Variants in MTAP observed in about 807,000 individuals in gnomAD.
MTAP encodes S-methyl-5'-thioadenosine phosphorylase.
Under a neutral mutation model 33.6 loss-of-function variants are expected in MTAP, and 33 were observed. The observed-to-expected ratio is 0.98, with a 90% CI of 0.74 to 1.31. MTAP has a LOEUF of 1.31. MTAP is among the 40% of genes most tolerant of loss of function. MTAP has a pLI of 0.00. For missense variants in MTAP, 367 were observed against 360.0 expected (o/e 1.02, Z -0.16); for synonymous variants, 148 against 125.7 (o/e 1.18, Z -1.19).
In MTAP at chr9:21,912,954, T is replaced by C. The variant is rs544633306; in HGVS notation, c.148-18054T>C. 3.3e-5 allele frequency among the ~76,000 whole-genome samples: 5 copies of C among 152,300 alleles called. No individual in the cohort carries two copies. In the East Asian group the frequency reaches 7.7e-4, roughly 24 times the overall value. ...GCAAAGTCTCAGGATACAAAATCAATGTACAAAAATCACAAGCATTCTTAT... is the reference window on the plus strand; with the variant it reads ...GCAAAGTCTCAGGATACAAAATCAACGTACAAAAATCACAAGCATTCTTAT... On this transcript the variant is annotated intron_variant, in intron 1 of 1. Transcript: ENST00000577563.
chr9:21,835,790 T>A (rs370656037), intron 4 of MTAP, among the ~76,000 whole-genome samples: 2 of 152,212 alleles, frequency 1.3e-5, no homozygotes, highest in South Asian at 2.1e-4. Context: ...CAATGACACA[T>A]CCTGTTATGC....
intron 1 of MTAP, among the ~76,000 whole-genome samples, chr9:21,879,744 C>T (rs1817976105): frequency 6.6e-6 from 1 of 152,112 alleles, no homozygotes; most frequent in Non-Finnish European, 1.5e-5. Flanking sequence ...CAAACTCCCT[C>T]AACATTTGCT....
downstream of MTAP, chr9:21,932,830 ATCTG>A (rs1563875558): frequency 6.6e-6 from 1 of 152,158 alleles, no homozygotes; most frequent in African/African-American, 2.4e-5. Context: ...AATCAGCTCT[ATCTG>A]GGCAGCAGGC....
At chr9:21,839,268 G>A (rs1244516973) in intron 5 of MTAP, among the ~76,000 whole-genome samples, 3 of 151,576 alleles carry the variant, frequency 2.0e-5, no homozygotes, top group African/African-American at 7.3e-5. Context: ...TCAGAATGCT[G>A]CTAGTCTTCC....
intron 4 of MTAP, among the ~76,000 whole-genome samples, chr9:21,830,983 A>G (rs1162654217): frequency 2.0e-5 from 3 of 152,170 alleles, no homozygotes; most frequent in Non-Finnish European, 4.4e-5. Flanking sequence ...GAGCAAAGCA[A>G]GACTGTTTCC....
At chr9:21,829,574 AC>A (rs1320547377) in intron 4 of MTAP, among the ~76,000 whole-genome samples, 3 of 151,478 alleles carry the variant, frequency 2.0e-5, no homozygotes, top group Non-Finnish European at 4.4e-5. Flanking sequence ...CCAGGGACTT[AC>A]CTAGAACCAC....
At position 21,865,679 on chromosome 9, in the gene MTAP, G is replaced by A; in HGVS notation, c.*3665G>A. 9.8e-7 allele frequency: 1 copy of A among 1,015,352 alleles called. No individual in the cohort carries two copies. The highest frequency in any genetic ancestry group is 1.2e-6 in the Non-Finnish European group (1 of 845,340). 62.9% of individuals were successfully genotyped at this position (1,015,352 alleles called of 1,614,324 possible). A position where few individuals can be genotyped will look rare whatever the true frequency, so the allele number is the denominator to read the frequency against. ...TCGAGGAAATCTACCAAGACTAGTA[G>A]GGTAGTCCAGAAGAAGCTGTTTCAG... is the stretch of plus-strand genomic sequence containing the variant. On this transcript the variant is annotated 3_prime_UTR_variant, in exon 8 of 8. Transcript: ENST00000644715.
chr9:21,902,921 A>G (rs1818415455), intron 1 of MTAP, among the ~76,000 whole-genome samples: 1 of 152,248 alleles, frequency 6.6e-6, no homozygotes, highest in Non-Finnish European at 1.5e-5. Context: ...TTAAAATGAA[A>G]CTATCTTCTA....
downstream of MTAP, among the ~76,000 whole-genome samples, chr9:21,867,231 T>G (rs562069153): frequency 1.5e-4 from 23 of 152,276 alleles, no homozygotes; most frequent in South Asian, 4.4e-3. Context: ...ATAGAAGCGG[T>G]GTGTGAGTTG....
chr9:21,811,360 G>C (rs1031899464), intron 1 of MTAP, among the ~76,000 whole-genome samples: 2 of 152,190 alleles, frequency 1.3e-5, no homozygotes, highest in African/African-American at 2.4e-5. Context: ...AGAAGTAACT[G>C]TTCTGACCAG....
chr9:21,900,591 G>C (rs1410215629), intron 1 of MTAP, among the ~76,000 whole-genome samples: 1 of 152,224 alleles, frequency 6.6e-6, no homozygotes, highest in African/African-American at 2.4e-5. Flanking sequence ...TTCAGCCACT[G>C]TGGAAAGCGG....
Position 21,854,647 on chromosome 9 carries a change from C to G in MTAP, c.467C>G (p.Ala156Gly). ...PKTREVLIET[A>G]KKLGLRCHSK... ...CTTTTCTAGGTTCTTATAGAGACTG[C>G]TAAGAAGCTAGGACTCCGGTGCCAC... is the stretch of plus-strand genomic sequence containing the variant. The change falls in exon 6 of 8, where the codon GCT becomes GGT. Residue 156 changes from alanine to glycine, a missense_variant. Coordinates refer to ENST00000644715, the MANE Select transcript of MTAP (RefSeq NM_002451.4). 6.3e-7 allele frequency: 1 copy of G among 1,593,280 alleles called. No homozygotes were observed. Among genetic ancestry groups the G allele is most frequent in the Non-Finnish European group, 8.5e-7 (1 of 1,169,892 alleles).
At chr9:21,838,829 G>T (rs1355781141) in intron 5 of MTAP, among the ~76,000 whole-genome samples, 1 of 152,238 alleles carries the variant, frequency 6.6e-6, no homozygotes, top group Non-Finnish European at 1.5e-5. Context: ...CAAAAGATCA[G>T]AAGTATCGTT....
At chr9:21,871,966 G>A (rs1052668782), downstream of MTAP, among the ~76,000 whole-genome samples, 5 of 152,136 alleles carry the variant, frequency 3.3e-5, no homozygotes, top group Non-Finnish European at 2.9e-5. Flanking sequence ...CTTTTCCTGA[G>A]GTAATTCAGT....
chr9:21,804,463 A>C (rs1824153178), intron 1 of MTAP, among the ~76,000 whole-genome samples: 1 of 152,206 alleles, frequency 6.6e-6, no homozygotes, highest in African/African-American at 2.4e-5. Context: ...CCTGATGTAA[A>C]TATTGAATAG....
intron 4 of MTAP, among the ~76,000 whole-genome samples, chr9:21,822,455 A>T (rs1587211462): frequency 6.6e-6 from 1 of 152,194 alleles, no homozygotes; most frequent in East Asian, 1.9e-4. Context: ...TGAGTTTCTT[A>T]ATCCTGAGTT....
intron 1 of MTAP, among the ~76,000 whole-genome samples, chr9:21,909,841 A>C (rs746005522): frequency 6.6e-6 from 1 of 152,184 alleles, no homozygotes; most frequent in Non-Finnish European, 1.5e-5. Flanking sequence ...TTTATAGATG[A>C]GAAAACTAAA....
chr9:21,816,577 A>T, intron 2 of MTAP, 137 bp from the exon 3 acceptor site: 1 of 677,688 alleles, frequency 1.5e-6, no homozygotes. Flanking sequence ...TTATATTGAT[A>T]ATCAGATCTT....
downstream of MTAP, among the ~76,000 whole-genome samples, chr9:21,869,900 C>CAT (rs58242040): frequency 0.23 from 35,103 of 152,054 alleles, 4,471 homozygotes; most frequent in East Asian, 0.42. Context: ...TAAAATCCCA[C>CAT]ATTTATGATA....
Sources: gnomAD v4.1 joint callset for allele counts (sites outside exome capture counted in the v4.1 genomes callset) on GRCh38, gnomAD v4.1.1 for gene constraint, MANE v1.5 for transcripts, NCBI Gene and HGNC (gene_info 2026-07-23, HGNC 2026-07-21) for gene names.